The following GUCY1B1 variants were observed in gnomAD, a reference collection of about 807,000 sequenced individuals.
GUCY1B1 encodes the protein guanylate cyclase 1 soluble subunit beta 1.
GUCY1B1 carries 43 observed loss-of-function variants against 71.0 expected under a neutral mutation model. The observed-to-expected ratio is 0.61, with a 90% CI of 0.47 to 0.78. The LOEUF (loss-of-function observed/expected upper bound fraction) is 0.78, where lower values mean the gene tolerates loss of function less well. GUCY1B1 is among the 30% of genes least tolerant of loss of function. GUCY1B1 has a pLI of 0.00. For synonymous variants in GUCY1B1, 266 were observed against 259.7 expected, an observed-to-expected ratio of 1.02 and a Z score of -0.23; for missense variants, 535 against 754.1, an observed-to-expected ratio of 0.71 and a Z score of 3.40.
intron 4 of GUCY1B1, among the ~76,000 whole-genome samples, chr4:155,788,183 G>A (rs1405628331): frequency 6.6e-6 from 1 of 152,178 alleles, no homozygotes; most frequent in Admixed American, 6.5e-5. Flanking sequence ...GGTGGGACGG[G>A]ACTGTGTTTC....
chr4:155,782,816 A>G (rs1738527223), intron 4 of GUCY1B1, among the ~76,000 whole-genome samples: 1 of 152,242 alleles, frequency 6.6e-6, no homozygotes, highest in Admixed American at 6.5e-5. Context: ...CTAGAAACCC[A>G]GACACATGAA....
At chr4:155,794,583 T>A (rs1297775798) in intron 6 of GUCY1B1, among the ~76,000 whole-genome samples, 1 of 152,210 alleles carries the variant, frequency 6.6e-6, no homozygotes, top group African/African-American at 2.4e-5. Context: ...GAAACTGCTG[T>A]TGACTTCTAT....
rs969861998 is a variant in GUCY1B1, at chr4:155,802,750, T to C, written c.1413+171T>C. Among the ~76,000 whole-genome samples, 3 of 152,206 alleles carry C rather than the reference T, an allele frequency of 2.0e-5. No individual in the cohort carries two copies. The highest frequency in any genetic ancestry group is 4.4e-5 in the Non-Finnish European group (3 of 68,028). Reference sequence around the variant, plus strand: ...GTTCTTAAATAATTGCCTCTTGTTATAAAACTGTCTCTTCCTTGTAACCAC... The same window carrying C: ...GTTCTTAAATAATTGCCTCTTGTTACAAAACTGTCTCTTCCTTGTAACCAC... On this transcript the variant is annotated intron_variant, in intron 10 of 13. Transcript: ENST00000264424. The surrounding 1 kb of genome is among the most constrained non-coding windows in gnomAD (Gnocchi z 4.3).
chr4:155,805,076 C>T, intron 12 of GUCY1B1, 27 bp from the exon 13 acceptor site: 2 of 1,600,450 alleles, frequency 1.2e-6, no homozygotes, highest in East Asian at 2.2e-5. Context: ...ATACTTCTCT[C>T]TCTACTCCCC....
intron 6 of GUCY1B1, 106 bp downstream of exon 6, chr4:155,794,192 A>C: frequency 1.6e-6 from 1 of 620,212 alleles, no homozygotes; most frequent in East Asian, 2.7e-5. Flanking sequence ...TGTATTAGGT[A>C]ATATGCAGTT....
intron 3 of GUCY1B1, among the ~76,000 whole-genome samples, chr4:155,775,563 T>G (rs895818907): frequency 1.3e-5 from 2 of 152,298 alleles, no homozygotes; most frequent in Admixed American, 1.3e-4. Flanking sequence ...GAAAGTGCTG[T>G]GATTGCAGGT....
chr4:155,759,179 C>A (rs993075329), intron 1 of GUCY1B1, 36 bp downstream of exon 1: 1 of 1,555,520 alleles, frequency 6.4e-7, no homozygotes, highest in Non-Finnish European at 8.7e-7. Context: ...CCGAACCTCA[C>A]CCCTCCTCGG....
intron 10 of GUCY1B1, 59 bp from the exon 11 acceptor site, chr4:155,803,565 A>G (rs1740101501): frequency 4.2e-6 from 5 of 1,198,086 alleles, no homozygotes; most frequent in Non-Finnish European, 5.5e-6. Context: ...TTGTTAGGGT[A>G]ATAAATGAAA....
intron 7 of GUCY1B1, among the ~76,000 whole-genome samples, chr4:155,795,857 G>A (rs780920523): frequency 1.6e-4 from 24 of 151,956 alleles, no homozygotes; most frequent in Admixed American, 3.3e-4. Context: ...GCGTTTTTGT[G>A]GGTGAATAAA....
intron 8 of GUCY1B1, among the ~76,000 whole-genome samples, chr4:155,798,299 A>G (rs1348523638): frequency 6.6e-6 from 1 of 152,188 alleles, no homozygotes; most frequent in African/African-American, 2.4e-5. Context: ...CATTAAAATA[A>G]TGATATAGGG....
chr4:155,798,285 G>T (rs1739703730), intron 8 of GUCY1B1, among the ~76,000 whole-genome samples: 1 of 152,044 alleles, frequency 6.6e-6, no homozygotes, highest in Non-Finnish European at 1.5e-5. Context: ...AAAACTTAAT[G>T]GTTCATTAAA....
At position 155,799,026 on chromosome 4, in the gene GUCY1B1, C is replaced by T. The variant is rs192288813; in HGVS notation, c.978-851C>T. On this transcript the variant is annotated intron_variant, in intron 8 of 13. Transcript: ENST00000264424. Reference sequence around the variant, plus strand: ...CTCATTTTTGTATTTTTGGTAGAGACGCGTTTCACCATGTTAGCCAGGCTG... The same window carrying T: ...CTCATTTTTGTATTTTTGGTAGAGATGCGTTTCACCATGTTAGCCAGGCTG... 8.5e-5 allele frequency among the ~76,000 whole-genome samples: 13 copies of T among 152,144 alleles called. No individual in the cohort carries two copies. In the East Asian group the frequency reaches 1.7e-3, roughly 20 times the overall value.
In GUCY1B1 at chr4:155,759,111, G is replaced by A; in HGVS notation, c.-30G>A. Reference sequence around the variant, plus strand: ...CCTTCGGCCGTACCTCTGCGTGGGGGCTGCCTCCCCGGCTCCCGGTGCAGA... The same window carrying A: ...CCTTCGGCCGTACCTCTGCGTGGGGACTGCCTCCCCGGCTCCCGGTGCAGA... On this transcript the variant is annotated 5_prime_UTR_variant, in exon 1 of 14. Coordinates refer to ENST00000264424, the MANE Select transcript of GUCY1B1 (RefSeq NM_000857.5). 6.3e-7 allele frequency: 1 copy of A among 1,589,140 alleles called. No individual in the cohort carries two copies.
intron 3 of GUCY1B1, among the ~76,000 whole-genome samples, chr4:155,776,510 A>G (rs1438568270): frequency 1.3e-5 from 2 of 152,082 alleles, no homozygotes; most frequent in Non-Finnish European, 2.9e-5. Flanking sequence ...TCTCTACTAA[A>G]AATACAAAAA....
At chr4:155,765,458 T>C (rs887709225) in intron 2 of GUCY1B1, among the ~76,000 whole-genome samples, 2 of 152,176 alleles carry the variant, frequency 1.3e-5, no homozygotes, top group African/African-American at 4.8e-5. Flanking sequence ...AGAAAAAATG[T>C]CTTTATTGTT....
chr4:155,763,700 A>G (rs1423246754), intron 2 of GUCY1B1, among the ~76,000 whole-genome samples: 1 of 152,218 alleles, frequency 6.6e-6, no homozygotes, highest in African/African-American at 2.4e-5. Flanking sequence ...GCTAATCACA[A>G]ATTAATCATT....
chr4:155,782,813 C>T (rs539355593), intron 4 of GUCY1B1, among the ~76,000 whole-genome samples: 1 of 152,264 alleles, frequency 6.6e-6, no homozygotes, highest in South Asian at 2.1e-4. Flanking sequence ...CCTCTAGAAA[C>T]CCAGACACAT....
chr4:155,765,205 T>G (rs1309966093), intron 2 of GUCY1B1, among the ~76,000 whole-genome samples: 1 of 152,224 alleles, frequency 6.6e-6, no homozygotes, highest in African/African-American at 2.4e-5. Flanking sequence ...CAAAGTCCTT[T>G]CTACTTTCTT....
intron 2 of GUCY1B1, among the ~76,000 whole-genome samples, chr4:155,765,354 C>T (rs189852794): frequency 2.0e-5 from 3 of 152,246 alleles, no homozygotes. Flanking sequence ...ATCTAACTGG[C>T]TAGATCCGAG....
Sources: allele counts gnomAD v4.1 joint callset (sites outside exome capture counted in the v4.1 genomes callset), GRCh38; gene constraint gnomAD v4.1.1; non-coding constraint Gnocchi (gnomAD v3.1); transcripts MANE v1.5; gene names NCBI Gene and HGNC (gene_info 2026-07-23, HGNC 2026-07-21).